Variants in TBCD observed in about 807,000 individuals in gnomAD.
TBCD encodes the protein tubulin folding cofactor D, also known as tubulin-specific chaperone D.
A neutral mutation model predicts 169.3 loss-of-function variants in TBCD; 105 were observed. The ratio of observed to expected loss-of-function variants is 0.62; its 90% CI spans 0.53 to 0.73. The LOEUF (loss-of-function observed/expected upper bound fraction) is 0.73, where lower values mean the gene tolerates loss of function less well. Ranked by LOEUF, TBCD falls within the 30% of genes least tolerant of loss-of-function variation. TBCD has a pLI of 0.00. For synonymous variants in TBCD, 700 were observed against 643.9 expected (o/e 1.09, Z -1.32); for missense variants, 1,444 against 1,600.1 (o/e 0.90, Z 1.66).
chr17:82,887,168 T>TGTGTGTGTGTGCGCGCGCGCGCGCGC, intron 15 of TBCD, among the ~76,000 whole-genome samples: 12 of 126,096 alleles, frequency 9.5e-5, no homozygotes, highest in Non-Finnish European at 1.5e-4. Context: ...TGTGTGTGTG[T>TGTGTGTGTGTGCGCGCGCGCGCGCGC]GCGCGCGCGC....
At chr17:82,869,813 C>T (rs185416656) in intron 13 of TBCD, among the ~76,000 whole-genome samples, 2 of 152,288 alleles carry the variant, frequency 1.3e-5, no homozygotes, top group Admixed American at 1.3e-4. Context: ...TGCCTGGCAT[C>T]TGCGTCTCTC....
intron 2 of TBCD, among the ~76,000 whole-genome samples, chr17:82,758,404 T>TAAAAAA (rs1312618695): frequency 5.4e-4 from 43 of 79,424 alleles, no homozygotes; most frequent in African/African-American, 1.9e-3. Context: ...AAAAAAAAAA[T>TAAAAAA]AAATAAATAA....
chr17:82,903,575 G>C lies in TBCD; in HGVS notation c.1804+97G>C. ...AAGGCTGGGGGCTGAAAATAAGGTTGTGCTTCTGTCTTGGTGAGAAGCATC... is the reference window on the plus strand; with the variant it reads ...AAGGCTGGGGGCTGAAAATAAGGTTCTGCTTCTGTCTTGGTGAGAAGCATC... On this transcript the variant is annotated intron_variant, in intron 19 of 38. Transcript: ENST00000355528. The surrounding 1 kb of genome is among the most constrained non-coding windows in gnomAD (Gnocchi z 4.8). 1.6e-6 allele frequency: 2 copies of C among 1,269,826 alleles called. No individual in the cohort carries two copies. The highest frequency in any genetic ancestry group is 2.2e-6 in the Non-Finnish European group (2 of 906,170). 78.7% of individuals were successfully genotyped at this position (1,269,826 alleles called of 1,614,324 possible).
chr17:82,777,380 G>A (rs977534633), intron 6 of TBCD, among the ~76,000 whole-genome samples: 1 of 152,202 alleles, frequency 6.6e-6, no homozygotes, highest in African/African-American at 2.4e-5. Context: ...AAGACAAAGA[G>A]ATAAAAGACA....
intron 23 of TBCD, chr17:82,913,645 T>G (rs1235374973): frequency 2.0e-5 from 3 of 152,376 alleles, no homozygotes; most frequent in African/African-American, 7.2e-5. Context: ...TGGCTGAATT[T>G]CCTTTACCCT....
At chr17:82,827,811 G>GCC (rs140476715) in intron 13 of TBCD, among the ~76,000 whole-genome samples, 4 of 131,178 alleles carry the variant, frequency 3.0e-5, no homozygotes, top group African/African-American at 1.2e-4. Context: ...GATTGAATGT[G>GCC]CCCCCCCACA....
At chr17:82,857,046 C>A (rs1367478459) in intron 13 of TBCD, among the ~76,000 whole-genome samples, 3 of 152,244 alleles carry the variant, frequency 2.0e-5, no homozygotes, top group Non-Finnish European at 4.4e-5. Context: ...AAGCTGTTTC[C>A]ACAGACGCTG....
At chr17:82,822,271 C>T (rs2052479088) in intron 13 of TBCD, among the ~76,000 whole-genome samples, 1 of 152,180 alleles carries the variant, frequency 6.6e-6, no homozygotes, top group African/African-American at 2.4e-5. Flanking sequence ...GAGATTCAGA[C>T]ATTAAACAAG....
rs548103819 is a variant in TBCD at position 82,857,848 on chromosome 17, T to C, written c.1319-12376T>C. On this transcript the variant is annotated intron_variant, in intron 13 of 38. Transcript: ENST00000355528. ...GTGCACATTGTGCAGGTTAGTTACA[T>C]ATGTATACATGTGCCATGCTGCTGC... Among the ~76,000 whole-genome samples the C allele has an allele frequency of 2.1e-4, 32 of 152,002 alleles. No homozygotes were observed. In the East Asian group the frequency reaches 5.8e-3, roughly 28 times the overall value.
intron 7 of TBCD, among the ~76,000 whole-genome samples, chr17:82,795,225 G>A (rs958654471): frequency 2.0e-5 from 3 of 152,224 alleles, no homozygotes; most frequent in East Asian, 1.9e-4. Context: ...GAAACCAGAC[G>A]ACGTGTTAGC....
At chr17:82,883,160 G>A (rs150345750) in intron 14 of TBCD, among the ~76,000 whole-genome samples, 8 of 152,350 alleles carry the variant, frequency 5.3e-5, no homozygotes, top group East Asian at 1.9e-4. Context: ...CCCGCCCCAC[G>A]GCTCAGGTCT....
chr17:82,802,724 GCCCC>G (rs1189420124), intron 9 of TBCD, among the ~76,000 whole-genome samples: 1 of 152,230 alleles, frequency 6.6e-6, no homozygotes, highest in Non-Finnish European at 1.5e-5. Flanking sequence ...GCTGAACGAG[GCCCC>G]CTGCATTTGG....
chr17:82,929,197 G>C lies in TBCD; in HGVS notation c.2778G>C (p.Leu926=), dbSNP rs2062002528. 2 of 1,613,866 alleles carry C rather than the reference G, an allele frequency of 1.2e-6. No homozygotes were observed. Among genetic ancestry groups the C allele is most frequent in the Non-Finnish European group, 1.7e-6 (2 of 1,179,874 alleles). ...GTGCTCACGCCGCCAGCGTGTTCCT[G>C]ACGCTCCTGCACTTTGACAGCCCTC... The part of the protein sequence containing the change: ...RFRAHAASVF[L]TLLHFDSPPI... The change falls in exon 31 of 39, where the codon CTG becomes CTC. Residue 926 remains leucine (L), a synonymous_variant. Transcript: ENST00000355528.
At chr17:82,926,553 AAGGGGGATGTTTTTGCTCAG>A in intron 28 of TBCD, 62 bp downstream of exon 28, 1 of 1,416,586 alleles carries the variant, frequency 7.1e-7, no homozygotes, top group Non-Finnish European at 9.9e-7. Context: ...GATGAACGCT[AAGGGGGATGTTTTTGCTCAG>A]AGGCAGGACT....
At chr17:82,837,444 G>A (rs2054085119) in intron 13 of TBCD, among the ~76,000 whole-genome samples, 1 of 152,208 alleles carries the variant, frequency 6.6e-6, no homozygotes, top group African/African-American at 2.4e-5. Flanking sequence ...TGTATTTAGA[G>A]GTGCAGTTTT....
intron 17 of TBCD, among the ~76,000 whole-genome samples, chr17:82,899,305 C>T: frequency 6.7e-6 from 1 of 149,428 alleles, no homozygotes; most frequent in South Asian, 2.1e-4. Context: ...GTGTCCTCCG[C>T]TCACGTGTCC....
At chr17:82,872,324 G>A (rs186272864) in intron 14 of TBCD, among the ~76,000 whole-genome samples, 258 of 152,366 alleles carry the variant, frequency 1.7e-3, no homozygotes, top group African/African-American at 5.4e-3. Flanking sequence ...GGTCTGGGGT[G>A]GCTGAGAGCG....
chr17:82,780,848 A>G (rs917464084), intron 6 of TBCD, among the ~76,000 whole-genome samples: 2 of 151,636 alleles, frequency 1.3e-5, no homozygotes, highest in African/African-American at 4.8e-5. Context: ...GGGTTTCACT[A>G]TGTTGGCCAG....
At chr17:82,807,990 C>T (rs1383601482) in intron 11 of TBCD, among the ~76,000 whole-genome samples, 1 of 152,200 alleles carries the variant, frequency 6.6e-6, no homozygotes, top group East Asian at 1.9e-4. Context: ...AGATGGGGGT[C>T]ACGGCTCCTA....
Sources: gnomAD v4.1 joint callset for allele counts (sites outside exome capture counted in the v4.1 genomes callset) on GRCh38, gnomAD v4.1.1 for gene constraint, Gnocchi (gnomAD v3.1) non-coding constraint, MANE v1.5 for transcripts, NCBI Gene and HGNC (gene_info 2026-07-23, HGNC 2026-07-21) for gene names.